DPP10: variants seen among roughly 807,000 people sequenced by gnomAD.
The protein encoded by DPP10 is dipeptidyl peptidase like 10, also known as inactive dipeptidyl peptidase 10.
Under a neutral mutation model 120.9 loss-of-function variants are expected in DPP10, and 33 were observed. The observed-to-expected ratio is 0.27, with a 90% CI of 0.21 to 0.37. The LOEUF is 0.37. DPP10 is among the 10% of genes least tolerant of loss of function. DPP10 has a pLI of 1.00. For missense variants in DPP10, 816 were observed against 942.8 expected (o/e 0.87, Z 1.76); for synonymous variants, 337 against 326.1 (o/e 1.03, Z -0.36).
intron 5 of DPP10, among the ~76,000 whole-genome samples, chr2:115,629,688 G>T (rs1452500725): frequency 1.3e-5 from 2 of 152,110 alleles, no homozygotes; most frequent in Admixed American, 1.3e-4. Flanking sequence ...GTTTTTGTCA[G>T]GTTTGTTGAA....
intron 1 of DPP10, among the ~76,000 whole-genome samples, chr2:114,562,185 TAAAC>T (rs1041195881): frequency 3.9e-4 from 59 of 152,288 alleles, no homozygotes; most frequent in African/African-American, 1.3e-3. Context: ...TCTAAGAAAA[TAAAC>T]AAATCTGCTC....
intron 5 of DPP10, among the ~76,000 whole-genome samples, chr2:115,537,082 A>G (rs1313750251): frequency 2.0e-5 from 3 of 152,020 alleles, no homozygotes; most frequent in Admixed American, 2.0e-4. Context: ...TTCTATAGAA[A>G]TAATATCATG....
intron 1 of DPP10, among the ~76,000 whole-genome samples, chr2:115,025,176 G>T (rs1313908769): frequency 9.2e-6 from 1 of 108,382 alleles, no homozygotes; most frequent in Non-Finnish European, 1.9e-5. Context: ...TCAGCCTCTG[G>T]TAACCACCAA....
At chr2:115,840,664 A>C in intron 24 of DPP10, 86 bp from the exon 25 acceptor site, 1 of 1,379,522 alleles carries the variant, frequency 7.2e-7, no homozygotes. Context: ...GTAAAATAAA[A>C]CACTGAATCT....
intron 3 of DPP10, among the ~76,000 whole-genome samples, chr2:115,446,226 G>A (rs186971017): frequency 4.4e-4 from 67 of 152,362 alleles, no homozygotes; most frequent in African/African-American, 1.5e-3. Flanking sequence ...AGATTTTAGA[G>A]CATGTATGAA....
intron 5 of DPP10, among the ~76,000 whole-genome samples, chr2:115,587,862 A>T (rs1558888678): frequency 6.6e-6 from 1 of 152,218 alleles, no homozygotes. Context: ...AATATTAGGC[A>T]TACTAAGTTT....
chr2:114,648,671 G>A (rs1696324067), intron 1 of DPP10, among the ~76,000 whole-genome samples: 1 of 152,162 alleles, frequency 6.6e-6, no homozygotes, highest in Non-Finnish European at 1.5e-5. Flanking sequence ...TCTAAATTCA[G>A]GGTGAAAGGA....
intron 1 of DPP10, among the ~76,000 whole-genome samples, chr2:115,007,345 GCA>G: frequency 6.6e-6 from 1 of 152,206 alleles, no homozygotes; most frequent in East Asian, 1.9e-4. Context: ...CTCAATAGAT[GCA>G]GAAAAGGCCT....
intron 1 of DPP10, among the ~76,000 whole-genome samples, chr2:114,589,792 G>T (rs1460420792): frequency 6.6e-6 from 1 of 151,364 alleles, no homozygotes; most frequent in Admixed American, 6.6e-5. Context: ...ACTATGTATT[G>T]TTCTCTAGTT....
chr2:115,060,918 T>C (rs1004937013), intron 1 of DPP10, among the ~76,000 whole-genome samples: 1 of 152,174 alleles, frequency 6.6e-6, no homozygotes, highest in African/African-American at 2.4e-5. Context: ...AGAACAAGCT[T>C]AGTATATTCA....
At chr2:114,751,661 G>A (rs1336996839) in intron 1 of DPP10, among the ~76,000 whole-genome samples, 4 of 152,144 alleles carry the variant, frequency 2.6e-5, no homozygotes, top group Non-Finnish European at 4.4e-5. Flanking sequence ...GGTTAACGAG[G>A]GCAGAGCATA....
At chr2:115,443,660 A>G (rs1449038414) in intron 3 of DPP10, among the ~76,000 whole-genome samples, 1 of 152,204 alleles carries the variant, frequency 6.6e-6, no homozygotes, top group Non-Finnish European at 1.5e-5. Context: ...AAGTAGCATT[A>G]ACATCATCAG....
chr2:114,961,576 G>T (rs1160396596), intron 1 of DPP10, among the ~76,000 whole-genome samples: 2 of 152,114 alleles, frequency 1.3e-5, no homozygotes, highest in African/African-American at 4.8e-5. Flanking sequence ...TTGTACCTTT[G>T]TGTTTGTGTT....
intron 1 of DPP10, among the ~76,000 whole-genome samples, chr2:114,689,879 C>T (rs1030075256): frequency 2.6e-5 from 4 of 151,672 alleles, no homozygotes; most frequent in Non-Finnish European, 4.4e-5. Flanking sequence ...TGTATGTCTT[C>T]TTTTGAGAAG....
intron 7 of DPP10, among the ~76,000 whole-genome samples, chr2:115,721,215 T>C (rs1002816874): frequency 6.6e-6 from 1 of 152,208 alleles, no homozygotes; most frequent in Non-Finnish European, 1.5e-5. Context: ...ATCATTCTTC[T>C]GCCAGCAGTC....
chr2:115,743,771 T>A (rs1262073578), intron 9 of DPP10, among the ~76,000 whole-genome samples: 1 of 150,696 alleles, frequency 6.6e-6, no homozygotes, highest in African/African-American at 2.4e-5. Flanking sequence ...AAAATGATAC[T>A]TGAGAATCTT....
chr2:115,147,254 A>G lies in DPP10; in HGVS notation c.61-161985A>G, dbSNP rs576260537. 1.3e-4 allele frequency among the ~76,000 whole-genome samples: 20 copies of G among 151,962 alleles called. 1 individual carries two copies. In the South Asian group the frequency reaches 3.9e-3, roughly 30 times the overall value. On this transcript the variant is annotated intron_variant, in intron 1 of 25. Coordinates refer to ENST00000410059, the MANE Select transcript of DPP10 (RefSeq NM_020868.6). ...TACTACATATATAGTATATTTCACG[A>G]TAATTTCAGGCTAAGGAAAAAGTCA...
At position 115,321,714 on chromosome 2, in the gene DPP10, C is replaced by T. The variant is rs1171459273; in HGVS notation, c.175+12361C>T. ...TGTGTCTTAGGCTTTGCTCATTTTC[C>T]TTCACTCTTTTTTCTTTCTGCTTTC... On this transcript the variant is annotated intron_variant, in intron 2 of 25. Transcript: ENST00000410059. Among the ~76,000 whole-genome samples the T allele has an allele frequency of 2.6e-5, 4 of 151,602 alleles. No individual in the cohort carries two copies. In the East Asian group the frequency reaches 5.8e-4, roughly 22 times the overall value.
intron 1 of DPP10, among the ~76,000 whole-genome samples, chr2:114,885,965 G>T (rs192002380): frequency 1.3e-3 from 193 of 152,254 alleles, no homozygotes; most frequent in South Asian, 2.3e-3. Context: ...TATAATGTGC[G>T]AAGAGTTCTT....
Sources: allele counts gnomAD v4.1 joint callset (sites outside exome capture counted in the v4.1 genomes callset), GRCh38; gene constraint gnomAD v4.1.1; transcripts MANE v1.5; gene names NCBI Gene and HGNC (gene_info 2026-07-23, HGNC 2026-07-21).